Variants in RBM25 observed in about 807,000 individuals in gnomAD.
The protein encoded by RBM25 is RNA binding motif protein 25.
RBM25 carries 19 observed loss-of-function variants against 120.7 expected under a neutral mutation model. That is an observed-to-expected ratio of 0.16 (90% CI 0.11 to 0.23). The LOEUF (loss-of-function observed/expected upper bound fraction) is 0.23, where lower values mean the gene tolerates loss of function less well. Ranked by LOEUF, RBM25 falls within the 10% of genes least tolerant of loss-of-function variation. The pLI is 1.00. For synonymous variants in RBM25, 390 were observed against 326.7 expected, an observed-to-expected ratio of 1.19 and a Z score of -2.09; for missense variants, 605 against 1,041.5, an observed-to-expected ratio of 0.58 and a Z score of 5.77.
intron 10 of RBM25, among the ~76,000 whole-genome samples, chr14:73,105,065 A>ACACACACACACACAC (rs1555346303): frequency 6.6e-6 from 1 of 150,510 alleles, no homozygotes; most frequent in African/African-American, 2.4e-5. Context: ...ACACACACAC[A>ACACACACACACACAC]GAGTTATTTG....
At position 73,111,716 on chromosome 14, in the gene RBM25, A is replaced by G. The variant is rs369564623; in HGVS notation, c.2206A>G (p.Lys736Glu). Residue 736 changes from lysine to glutamate, a missense_variant, in exon 16 of 19, where the codon AAA (lysine) becomes GAA (glutamate). Transcript: ENST00000261973. ...KGTVNTEEKR[K>E]HIKSLIEKIP... ...CACTGTAAACACTGAAGAAAAGCGT[A>G]AACACATTAAGAGTCTCATTGAGAA... The G allele has an allele frequency of 6.2e-7, 1 of 1,614,044 alleles. No individual in the cohort carries two copies. Among genetic ancestry groups the G allele is most frequent in the Non-Finnish European group, 8.5e-7 (1 of 1,180,020 alleles).
At chr14:73,110,439 T>G (rs1896287715) in intron 14 of RBM25, among the ~76,000 whole-genome samples, 2 of 151,800 alleles carry the variant, frequency 1.3e-5, no homozygotes, top group Non-Finnish European at 2.9e-5. Flanking sequence ...CTTTTTCTTT[T>G]TCTTTTTTTT....
Position 73,122,655 on chromosome 14 carries a change from A to G in RBM25, c.*2850A>G. On this transcript the variant is annotated 3_prime_UTR_variant, in exon 19 of 19. Transcript: ENST00000261973. ...CTACTTTTCTTTATTTGTCCCTAAAAATAAAGTATGTACATCTGTTCACAA... is the reference window on the plus strand; with the variant it reads ...CTACTTTTCTTTATTTGTCCCTAAAGATAAAGTATGTACATCTGTTCACAA... 6.6e-6 allele frequency: 1 copy of G among 152,214 alleles called. No homozygotes were observed. The highest frequency in any genetic ancestry group is 1.9e-4 in the East Asian group (1 of 5,200). The allele number at this position is 152,214 out of a possible 1,614,324, so 9.4% of individuals were successfully genotyped here.
At chr14:73,078,109 C>T (rs149441590) in intron 4 of RBM25, among the ~76,000 whole-genome samples, 2 of 152,234 alleles carry the variant, frequency 1.3e-5, no homozygotes, top group East Asian at 3.9e-4. Context: ...TCGAGACCAG[C>T]CTGACCAACA....
intron 18 of RBM25, among the ~76,000 whole-genome samples, chr14:73,116,023 G>T (rs915164288): frequency 6.6e-6 from 1 of 152,200 alleles, no homozygotes; most frequent in African/African-American, 2.4e-5. Context: ...CCAGATAGCT[G>T]CTCTTACAGT....
At position 73,106,267 on chromosome 14, in the gene RBM25, A is replaced by G. The variant is rs1480351402; in HGVS notation, c.1449A>G (p.Glu483=). ...REYEKEAERE[E]ERRREMAKEA... ...ATGAGAAAGAAGCTGAAAGAGAAGAAGAAAGAAGAAGAGAAATGGTAAGAT... is the reference window on the plus strand; with the variant it reads ...ATGAGAAAGAAGCTGAAAGAGAAGAGGAAAGAAGAAGAGAAATGGTAAGAT... Residue 483 remains glutamate, a synonymous_variant, in exon 12 of 19, where the codon GAA becomes GAG. Coordinates refer to ENST00000261973, the MANE Select transcript of RBM25 (RefSeq NM_021239.3). The G allele has an allele frequency of 1.3e-6, 2 of 1,595,862 alleles. No homozygotes were observed. Among genetic ancestry groups the G allele is most frequent in the South Asian group, 1.2e-5 (1 of 86,504 alleles).
intron 1 of RBM25, among the ~76,000 whole-genome samples, chr14:73,062,430 G>A (rs1332677462): frequency 6.6e-6 from 1 of 151,302 alleles, no homozygotes; most frequent in African/African-American, 2.4e-5. Context: ...TATCATTTCA[G>A]AAATTTGGCA....
chr14:73,080,834 T>C (rs546561442), intron 4 of RBM25, among the ~76,000 whole-genome samples: 2 of 150,034 alleles, frequency 1.3e-5, no homozygotes, highest in Non-Finnish European at 2.9e-5. Flanking sequence ...TTTTTTTTTT[T>C]TTTTATTTGA....
intron 10 of RBM25, among the ~76,000 whole-genome samples, chr14:73,103,972 ACACACACACACACACACACACACT>A (rs1896121613): frequency 6.9e-6 from 1 of 144,500 alleles, no homozygotes; most frequent in Non-Finnish European, 1.5e-5. Context: ...ACACACACAC[ACACACACACACACACACACACACT>A]CTCTCTCTCT....
At chr14:73,114,424 G>T in intron 18 of RBM25, 91 bp downstream of exon 18, 2 of 873,310 alleles carry the variant, frequency 2.3e-6, no homozygotes, top group Non-Finnish European at 3.4e-6. Context: ...GTCTCACCAC[G>T]TTGCCCAGGG....
chr14:73,107,590 C>T, intron 12 of RBM25: 1 of 411,672 alleles, frequency 2.4e-6, no homozygotes, highest in Non-Finnish European at 4.3e-6. Flanking sequence ...AACCAAATAG[C>T]TGAATACATA....
chr14:73,084,752 A>G (rs1040773137), intron 5 of RBM25, among the ~76,000 whole-genome samples: 8 of 150,976 alleles, frequency 5.3e-5, no homozygotes, highest in Non-Finnish European at 1.5e-5. Context: ...GGGTTTCTCC[A>G]TGTTGGTCAG....
At position 73,119,961 on chromosome 14, in the gene RBM25, T is replaced by C. The variant is rs370237171; in HGVS notation, c.*156T>C. ...TTGGTCCTCTAATTTGTTGTTGCCC[T>C]GTGTACTCCCTTGGTTGTAAAGTCA... On this transcript the variant is annotated 3_prime_UTR_variant, in exon 19 of 19. Transcript: ENST00000261973. The C allele has an allele frequency of 1.8e-6, 2 of 1,105,296 alleles. No individual in the cohort carries two copies. The highest frequency in any genetic ancestry group is 5.8e-5 in the East Asian group (2 of 34,276). The allele number at this position is 1,105,296 out of a possible 1,614,324, so 68.5% of individuals were successfully genotyped here. A position where few individuals can be genotyped will look rare whatever the true frequency, so the allele number is the denominator to read the frequency against.
intron 4 of RBM25, among the ~76,000 whole-genome samples, chr14:73,082,703 CTTGCTGTG>C (rs1396509895): frequency 6.6e-6 from 1 of 152,122 alleles, no homozygotes; most frequent in Non-Finnish European, 1.5e-5. Context: ...TAGTTAGAGT[CTTGCTGTG>C]TATCTGCATT....
intron 4 of RBM25, among the ~76,000 whole-genome samples, 188 bp from the exon 5 acceptor site, chr14:73,083,306 T>C (rs1566588189): frequency 6.6e-6 from 1 of 152,218 alleles, no homozygotes. Context: ...TATTTTTCTT[T>C]AAATGATTTG....
Position 73,121,797 on chromosome 14 carries a change from T to C in RBM25, c.*1992T>C, listed in dbSNP as rs1896545553. ...CTGTACTTATCTTAAAGGGCCACTC[T>C]AAAAACAAGGGAGATGTCGTAATCT... On this transcript the variant is annotated 3_prime_UTR_variant, in exon 19 of 19. Coordinates refer to ENST00000261973, the MANE Select transcript of RBM25 (RefSeq NM_021239.3). 1 of 152,242 alleles carries C rather than the reference T, an allele frequency of 6.6e-6. No individual in the cohort carries two copies. Among genetic ancestry groups the C allele is most frequent in the East Asian group, 1.9e-4 (1 of 5,206 alleles). 9.4% of individuals were successfully genotyped at this position (152,242 alleles called of 1,614,324 possible).
intron 4 of RBM25, among the ~76,000 whole-genome samples, chr14:73,081,656 T>C (rs1895567039): frequency 6.6e-6 from 1 of 152,218 alleles, no homozygotes; most frequent in Admixed American, 6.5e-5. Context: ...GGGTATGTGG[T>C]TGGTAACTTT....
intron 1 of RBM25, chr14:73,070,007 C>G (rs971249531): frequency 6.6e-6 from 1 of 151,750 alleles, no homozygotes; most frequent in Admixed American, 6.6e-5. Context: ...AATGGCAATA[C>G]TTAATAAAAT....
At chr14:73,093,767 A>G (rs987247586) in intron 6 of RBM25, among the ~76,000 whole-genome samples, 1 of 151,992 alleles carries the variant, frequency 6.6e-6, no homozygotes, top group African/African-American at 2.4e-5. Context: ...TCGGCCTCCC[A>G]AAGTGTTGGG....
Sources: allele counts gnomAD v4.1 joint callset (sites outside exome capture counted in the v4.1 genomes callset), GRCh38; gene constraint gnomAD v4.1.1; transcripts MANE v1.5; gene names NCBI Gene and HGNC (gene_info 2026-07-23, HGNC 2026-07-21).